Variants in CTSB observed in about 807,000 individuals in gnomAD.
CTSB encodes cathepsin B, also known as APP secretase.
Under a neutral mutation model 44.3 loss-of-function variants are expected in CTSB, and 57 were observed. That is an observed-to-expected ratio of 1.29 (90% CI 1.04 to 1.60). CTSB has a LOEUF of 1.60. CTSB is among the 40% of genes most tolerant of loss of function. The pLI is 0.00. For missense variants in CTSB, 768 were observed against 443.0 expected, an observed-to-expected ratio of 1.73 and a Z score of -6.59; for synonymous variants, 320 against 168.0, an observed-to-expected ratio of 1.91 and a Z score of -7.00.
At position 11,845,183 on chromosome 8, in the gene CTSB, A is replaced by C; in HGVS notation, c.962T>G (p.Ile321Ser). The C allele has an allele frequency of 6.2e-7, 1 of 1,614,030 alleles. No homozygotes were observed. The change falls in exon 10 of 10, where the codon ATC becomes AGC. Residue 321 changes from isoleucine to serine, a missense_variant. Physicochemically the swap from Ile to Ser is moderately radical, Grantham distance 142. Transcript: ENST00000353047. Reference sequence around the variant, plus strand: ...AATTCCAGCCACCACTTCTGATTCGATTCCACAGTGATCCTGTCCTCTGAG... The same window carrying C: ...AATTCCAGCCACCACTTCTGATTCGCTTCCACAGTGATCCTGTCCTCTGAG... Reference protein sequence around the residue: ...KILRGQDHCGIESEVVAGIPR... With the variant: ...KILRGQDHCGSESEVVAGIPR...
chr8:11,847,237 C>G (rs1333492866), intron 7 of CTSB, 69 bp from the exon 8 acceptor site: 3 of 981,430 alleles, frequency 3.1e-6, no homozygotes, highest in Non-Finnish European at 4.9e-6. Flanking sequence ...CACGGTCAGC[C>G]AGTCACTGAT....
chr8:11,847,515 A>T (rs998060590), intron 7 of CTSB, among the ~76,000 whole-genome samples, 164 bp downstream of exon 7: 2 of 152,082 alleles, frequency 1.3e-5, no homozygotes, highest in African/African-American at 2.4e-5. Flanking sequence ...GAAAGTGGAG[A>T]GTGTGCTGCT....
chr8:11,843,590 G>A lies in CTSB; in HGVS notation c.*1535C>T, dbSNP rs566651917. The A allele has an allele frequency of 6.6e-6, 1 of 152,244 alleles. No individual in the cohort carries two copies. The highest frequency in any genetic ancestry group is 1.5e-5 in the Non-Finnish European group (1 of 68,056). The allele number at this position is 152,244 out of a possible 1,614,324, so 9.4% of individuals were successfully genotyped here. ...ATACAAATTCAAAATACTGTATACA[G>A]GCCCTGACTCCAGCCCAAACCAAGG... On this transcript the variant is annotated 3_prime_UTR_variant, in exon 10 of 10. Transcript: ENST00000353047.
chr8:11,859,736 C>G (rs569411689), intron 1 of CTSB, among the ~76,000 whole-genome samples: 53 of 135,870 alleles, frequency 3.9e-4, no homozygotes, highest in African/African-American at 1.5e-3. Context: ...CCACTGCACT[C>G]CAGCCTGGGC....
At chr8:11,845,550 C>G in intron 9 of CTSB, 111 bp downstream of exon 9, 6 of 1,342,998 alleles carry the variant, frequency 4.5e-6, no homozygotes, top group Non-Finnish European at 6.1e-6. Context: ...ACAGCCTGGC[C>G]GTAGGTCCAG....
chr8:11,861,487 T>C (rs1816409549), intron 1 of CTSB: 1 of 152,180 alleles, frequency 6.6e-6, no homozygotes, highest in African/African-American at 2.4e-5. Flanking sequence ...CACCTATGAG[T>C]GGAATATTGT....
intron 1 of CTSB, among the ~76,000 whole-genome samples, chr8:11,856,405 G>T (rs192719150): frequency 6.6e-6 from 1 of 152,004 alleles, no homozygotes; most frequent in Non-Finnish European, 1.5e-5. Context: ...CCTGAGGTCA[G>T]GAGTTAGAGA....
chr8:11,848,214 G>A (rs745583700), intron 5 of CTSB, 62 bp from the exon 6 acceptor site: 5 of 1,476,462 alleles, frequency 3.4e-6, no homozygotes, highest in Non-Finnish European at 3.8e-6. Context: ...CCAGACCACT[G>A]TGTGCTACCC....
At chr8:11,855,416 G>A (rs551964803) in intron 1 of CTSB, among the ~76,000 whole-genome samples, 2 of 152,316 alleles carry the variant, frequency 1.3e-5, no homozygotes, top group African/African-American at 2.4e-5. Context: ...CAGTACTTTG[G>A]GAGGCCAAGG....
At chr8:11,853,199 A>C in intron 2 of CTSB, 130 bp downstream of exon 2, 1 of 1,293,772 alleles carries the variant, frequency 7.7e-7, no homozygotes, top group South Asian at 1.4e-5. Flanking sequence ...ACTCAGGGTC[A>C]GGGCCATTTT....
chr8:11,862,003 C>T (rs973700662), intron 1 of CTSB, among the ~76,000 whole-genome samples: 3 of 152,002 alleles, frequency 2.0e-5, no homozygotes, highest in Non-Finnish European at 2.9e-5. Context: ...GTCAGGAGAT[C>T]GAGACCATCC....
At chr8:11,867,440 G>A (rs989707514) in intron 1 of CTSB, 1 of 152,298 alleles carries the variant, frequency 6.6e-6, no homozygotes, top group Admixed American at 6.5e-5. Context: ...CCCACCCAGT[G>A]CCAGATTCCT....
At chr8:11,848,454 T>C in intron 5 of CTSB, 1 of 490,644 alleles carries the variant, frequency 2.0e-6, no homozygotes, top group African/African-American at 1.9e-5. Context: ...ACACTGATTC[T>C]CAACTGAGCA....
At chr8:11,867,178 C>G (rs1817276924) in intron 1 of CTSB, 1 of 152,286 alleles carries the variant, frequency 6.6e-6, no homozygotes, top group Admixed American at 6.5e-5. Flanking sequence ...CCCACCCCAG[C>G]CTGCCTGCAA....
intron 1 of CTSB, among the ~76,000 whole-genome samples, chr8:11,856,372 C>A (rs1012464535): frequency 3.3e-5 from 5 of 152,226 alleles, no homozygotes; most frequent in African/African-American, 1.2e-4. Context: ...TGGCGCATGC[C>A]TGTAGCCGAG....
At chr8:11,852,535 A>G (rs1814776360) in intron 3 of CTSB, 75 bp downstream of exon 3, 2 of 1,240,634 alleles carry the variant, frequency 1.6e-6, no homozygotes, top group Non-Finnish European at 2.3e-6. Flanking sequence ...AGAGGCCTTC[A>G]CTCTCCCACT....
intron 1 of CTSB, among the ~76,000 whole-genome samples, chr8:11,862,993 C>A (rs140542070): frequency 6.6e-6 from 1 of 152,130 alleles, no homozygotes; most frequent in Non-Finnish European, 1.5e-5. Context: ...AGCCACACAT[C>A]CTTCTCAGCA....
rs543001140 is a variant in CTSB at position 11,844,770 on chromosome 8, T to G, written c.*355A>C. ...TACTGGGGGAACTGATGGGGGAACT[T>G]TCATCCTGTTAGGAACTCCGCTTTC... On this transcript the variant is annotated 3_prime_UTR_variant, in exon 10 of 10. Transcript: ENST00000353047. The G allele has an allele frequency of 6.3e-5, 13 of 207,900 alleles. No individual in the cohort carries two copies. The South Asian group carries it at 1.4e-3, about 22-fold the overall frequency. The allele number at this position is 207,900 out of a possible 1,614,324, so 12.9% of individuals were successfully genotyped here.
intron 6 of CTSB, 65 bp from the exon 7 acceptor site, chr8:11,847,887 C>G: frequency 2.1e-6 from 3 of 1,424,254 alleles, no homozygotes; most frequent in Non-Finnish European, 2.8e-6. Context: ...TGGGGCAAGG[C>G]AAGCCTCGTG....
Sources: allele counts gnomAD v4.1 joint callset (sites outside exome capture counted in the v4.1 genomes callset), GRCh38; gene constraint gnomAD v4.1.1; transcripts MANE v1.5; gene names NCBI Gene and HGNC (gene_info 2026-07-23, HGNC 2026-07-21).